Variants in PYGM observed in about 807,000 individuals in gnomAD.
PYGM encodes the protein glycogen phosphorylase, muscle associated, also known as glycogen phosphorylase, muscle form.
Under a neutral mutation model 99.3 loss-of-function variants are expected in PYGM, and 81 were observed. That is an observed-to-expected ratio of 0.82 (90% CI 0.68 to 0.98). PYGM has a LOEUF of 0.98. Ranked by LOEUF, PYGM falls within the 50% of genes least tolerant of loss-of-function variation. PYGM has a pLI of 0.00. For missense variants in PYGM, 1,030 were observed against 1,158.1 expected (o/e 0.89, Z 1.61); for synonymous variants, 436 against 451.5 (o/e 0.97, Z 0.44).
chr11:64,749,214 G>A (rs2058335812), intron 17 of PYGM, among the ~76,000 whole-genome samples: 2 of 151,690 alleles, frequency 1.3e-5, no homozygotes, highest in Admixed American at 6.6e-5. Flanking sequence ...GGGCGTGGTG[G>A]TGGGTATCTG....
rs769960481 is a variant in PYGM at position 64,751,626 on chromosome 11, CA to C, written c.1797del (p.Phe599LeufsTer6). ...NRIKREPNKF[F>X]VPRTVMIGGK... Reference sequence around the variant, plus strand: ...CCTCCAATCATCACAGTCCGAGGCACAAAAAACTTATTGGGCTCCCTCTTGA... The same window carrying C: ...CCTCCAATCATCACAGTCCGAGGCACAAAAACTTATTGGGCTCCCTCTTGA... On this transcript the variant is annotated frameshift_variant, in exon 15 of 20. Coordinates refer to ENST00000164139, the MANE Select transcript of PYGM (RefSeq NM_005609.4). LOFTEE classifies it high-confidence loss of function. The C allele has an allele frequency of 9.3e-6, 15 of 1,613,988 alleles. No individual in the cohort carries two copies. Among genetic ancestry groups the C allele is most frequent in the Non-Finnish European group, 1.1e-5 (13 of 1,179,900 alleles).
chr11:64,753,855 C>T (rs772025241), intron 10 of PYGM, 24 bp downstream of exon 10: 2 of 1,557,012 alleles, frequency 1.3e-6, no homozygotes, highest in East Asian at 4.8e-5. Context: ...ACCCCCACAC[C>T]ATCCCCCAAG....
At chr11:64,747,731 A>C (rs770828249) in intron 17 of PYGM, 9 of 350,166 alleles carry the variant, frequency 2.6e-5, no homozygotes, top group Non-Finnish European at 4.5e-5. Context: ...CAGCAAGAGC[A>C]GCTAACAGGT....
At position 64,753,899 on chromosome 11, in the gene PYGM, T is replaced by C. The variant is rs2058375350; in HGVS notation, c.1219A>G (p.Ile407Val). ...LPRHLQIIYE[I>V]NQRFLNRVAA... ...CTCACGTTGAGGAAGCGCTGGTTGA[T>C]CTCGTAGATGATCTGGAGGTGCCGC... The change falls in exon 10 of 20, where the codon ATC becomes GTC. Residue 407 changes from isoleucine (I) to valine (V), a missense_variant. Physicochemically the swap from Ile to Val is conservative, Grantham distance 29. Coordinates refer to ENST00000164139, the MANE Select transcript of PYGM (RefSeq NM_005609.4). 6.3e-7 allele frequency: 1 copy of C among 1,583,734 alleles called. No individual in the cohort carries two copies.
At position 64,759,742 on chromosome 11, in the gene PYGM, A is replaced by G; in HGVS notation, c.157T>C (p.Tyr53His). The G allele has an allele frequency of 6.2e-7, 1 of 1,614,224 alleles. No individual in the cohort carries two copies. Among genetic ancestry groups the G allele is most frequent in the Non-Finnish European group, 8.5e-7 (1 of 1,180,032 alleles). The change falls in exon 1 of 20, where the codon TAC (tyrosine) becomes CAC (histidine). Residue 53 changes from tyrosine (Y) to histidine (H), a missense_variant. By Grantham distance (83) the Tyr-to-His change is moderately conservative. Coordinates refer to ENST00000164139, the MANE Select transcript of PYGM (RefSeq NM_005609.4). ...DRNVATPRDY[Y>H]FALAHTVRDH... ...CGCACGGTATGGGCCAGAGCAAAGTAGTAGTCTCGTGGGGTGGCCACATTG... is the reference window on the plus strand; with the variant it reads ...CGCACGGTATGGGCCAGAGCAAAGTGGTAGTCTCGTGGGGTGGCCACATTG...
Position 64,746,985 on chromosome 11 carries a change from A to T in PYGM, c.2315T>A (p.Phe772Tyr). Residue 772 changes from phenylalanine (F) to tyrosine (Y), a missense_variant and splice_region_variant, in exon 19 of 20, where the codon TTT becomes TAT. By Grantham distance (22) the Phe-to-Tyr change is conservative. Transcript: ENST00000164139. ...IVNMLMHHDR[F>Y]KVFADYEDYI... is the part of the protein sequence containing the mutation. ...GTCTTCATAATCTGCGAAGACTTTA[A>T]ACCTGGAGGGGAAAGGATAGGCATG... 6.2e-7 allele frequency: 1 copy of T among 1,614,124 alleles called. No individual in the cohort carries two copies. Among genetic ancestry groups the T allele is most frequent in the Non-Finnish European group, 8.5e-7 (1 of 1,179,990 alleles).
At chr11:64,759,487 TGCC>T (rs2058418597) in intron 1 of PYGM, among the ~76,000 whole-genome samples, 166 bp downstream of exon 1, 1 of 152,120 alleles carries the variant, frequency 6.6e-6, no homozygotes, top group African/African-American at 2.4e-5. Context: ...CCCCCACTCC[TGCC>T]CCAGGTTTCT....
rs149366492 is a variant in PYGM, at chr11:64,747,989, C to A, written c.2178-631G>T. ...CCGGGAGGCGGAGGTTGCAGTGAACCGAGATCATGCCATTGCACTCCAGCC... is the reference window on the plus strand; with the variant it reads ...CCGGGAGGCGGAGGTTGCAGTGAACAGAGATCATGCCATTGCACTCCAGCC... On this transcript the variant is annotated intron_variant, in intron 17 of 19. Coordinates refer to ENST00000164139, the MANE Select transcript of PYGM (RefSeq NM_005609.4). 330 of 162,326 alleles carry A rather than the reference C, an allele frequency of 2.0e-3. 1 individual carries two copies. Among genetic ancestry groups the A allele is most frequent in the African/African-American group, 7.6e-3 (314 of 41,306 alleles). 10.1% of individuals were successfully genotyped at this position (162,326 alleles called of 1,614,324 possible).
Position 64,758,669 on chromosome 11 carries a change from T to A in PYGM, c.279A>T (p.Gly93=). The change falls in exon 2 of 20, where the codon GGA becomes GGT. Residue 93 remains glycine (G), a synonymous_variant. Coordinates refer to ENST00000164139, the MANE Select transcript of PYGM (RefSeq NM_005609.4). ...IYYLSLEFYM[G]RTLQNTMVNL... ...TCACCATGGTGTTCTGTAGCGTCCG[T>A]CCCATATAGAACTCTAAAGACAGGT... is the stretch of plus-strand genomic sequence containing the variant. 1 of 1,612,804 alleles carries A rather than the reference T, an allele frequency of 6.2e-7. No homozygotes were observed. Among genetic ancestry groups the A allele is most frequent in the Non-Finnish European group, 8.5e-7 (1 of 1,178,910 alleles).
At chr11:64,753,222 C>A (rs760077100) in intron 11 of PYGM, 35 bp from the exon 12 acceptor site, 35 of 1,551,624 alleles carry the variant, frequency 2.3e-5, no homozygotes, top group Admixed American at 2.2e-4. Flanking sequence ...TCACCACTCA[C>A]CCCTGTACAA....
chr11:64,755,598 C>A lies in PYGM; in HGVS notation c.661-40G>T. 1 of 1,505,632 alleles carries A rather than the reference C, an allele frequency of 6.6e-7. No individual in the cohort carries two copies. Among genetic ancestry groups the A allele is most frequent in the Non-Finnish European group, 9.2e-7 (1 of 1,084,202 alleles). The allele number at this position is 1,505,632 out of a possible 1,614,324, so 93.3% of individuals were successfully genotyped here. On this transcript the variant is annotated intron_variant, in intron 5 of 19. Coordinates refer to ENST00000164139, the MANE Select transcript of PYGM (RefSeq NM_005609.4). This position sits in a 1 kb window ranked among gnomAD's most constrained non-coding sequence, Gnocchi z 4.1. ...CCTGTCAGGAGCTGGCCAGCCCTGG[C>A]AATTGCCTCCCTCCCCTCAGGGCTG...
rs184694130 is a variant in PYGM, at chr11:64,747,208, G to A, written c.2312+16C>T. ...CTGCGGCCCCACCTGAGTGATTCCC[G>A]GGCCAACCAGCTCACCGGTCATGGT... On this transcript the variant is annotated intron_variant, in intron 18 of 19. Coordinates refer to ENST00000164139, the MANE Select transcript of PYGM (RefSeq NM_005609.4). The A allele has an allele frequency of 5.5e-5, 89 of 1,613,702 alleles. No homozygotes were observed. Among genetic ancestry groups the A allele is most frequent in the Middle Eastern group, 1.7e-4 (1 of 5,936 alleles).
At position 64,755,502 on chromosome 11, in the gene PYGM, GACA is replaced by G; in HGVS notation, c.714_716del (p.Val239del). 4 of 1,614,134 alleles carry G rather than the reference GACA, an allele frequency of 2.5e-6. No homozygotes were observed. The highest frequency in any genetic ancestry group is 3.4e-6 in the Non-Finnish European group (4 of 1,180,004). ...TGGCAGACCAGAGGCGCATGGTGTT[GACA>G]ACATTGTTGCGATAGCCAGGCACGG... On this transcript the variant is annotated inframe_deletion, in exon 6 of 20. Coordinates refer to ENST00000164139, the MANE Select transcript of PYGM (RefSeq NM_005609.4). This position sits in a 1 kb window ranked among gnomAD's most constrained non-coding sequence, Gnocchi z 4.1.
Position 64,753,917 on chromosome 11 carries a change from G to C in PYGM, c.1201C>G (p.Leu401Val). The C allele has an allele frequency of 6.3e-7, 1 of 1,591,144 alleles. No individual in the cohort carries two copies. The highest frequency in any genetic ancestry group is 8.6e-7 in the Non-Finnish European group (1 of 1,168,396). ...HLLETLLPRHLQIIYEINQRF... is the reference protein window; with the variant it reads ...HLLETLLPRHVQIIYEINQRF... Reference sequence around the variant, plus strand: ...TGGTTGATCTCGTAGATGATCTGGAGGTGCCGCGGCAGCAGCGTCTCCAAG... The same window carrying C: ...TGGTTGATCTCGTAGATGATCTGGACGTGCCGCGGCAGCAGCGTCTCCAAG... Residue 401 changes from leucine (L) to valine (V), a missense_variant, in exon 10 of 20, where the codon CTC becomes GTC. By Grantham distance (32) the Leu-to-Val change is conservative. Transcript: ENST00000164139.
Position 64,754,456 on chromosome 11 carries a change from G to A in PYGM, c.1000-111C>T, listed in dbSNP as rs1194150589. 18 of 1,091,494 alleles carry A rather than the reference G, an allele frequency of 1.6e-5. No individual in the cohort carries two copies. The highest frequency in any genetic ancestry group is 2.4e-5 in the Non-Finnish European group (18 of 736,904). 67.6% of individuals were successfully genotyped at this position (1,091,494 alleles called of 1,614,324 possible). ...GAGCCCAGCACGGTTCTGTGACTGG[G>A]CTGTGGGCAGAGGCAGGCCGGTGCT... On this transcript the variant is annotated intron_variant, in intron 8 of 19. Coordinates refer to ENST00000164139, the MANE Select transcript of PYGM (RefSeq NM_005609.4). This position sits in a 1 kb window ranked among gnomAD's most constrained non-coding sequence, Gnocchi z 5.5.
In PYGM at chr11:64,757,762, C is replaced by T. The variant is rs767910783; in HGVS notation, c.660+17G>A. ...TCCCCTTCTCTGGGCTCCCCTGACC[C>T]CCAGCTTCATCCTCACCTGTGTGTC... On this transcript the variant is annotated intron_variant, in intron 5 of 19. Transcript: ENST00000164139. 205 of 1,613,986 alleles carry T rather than the reference C, an allele frequency of 1.3e-4. No homozygotes were observed. The highest frequency in any genetic ancestry group is 1.7e-4 in the Non-Finnish European group (197 of 1,180,004).
Position 64,746,807 on chromosome 11 carries a change from T to A in PYGM, c.2381A>T (p.Asn794Ile). ...CACCATCCGCGTCCACTCTCTTGGG[T>A]TCTGCAGGTCAAAGGGAAGCTCTGG... is the stretch of plus-strand genomic sequence containing the variant. ...CQEKVSALYK[N>I]PREWTRMVIR... is the part of the protein sequence containing the mutation. The change falls in exon 20 of 20, where the codon AAC becomes ATC. Residue 794 changes from asparagine to isoleucine, a missense_variant and splice_region_variant. Asn to Ile is a moderately radical substitution (Grantham distance 149). Coordinates refer to ENST00000164139, the MANE Select transcript of PYGM (RefSeq NM_005609.4). The A allele has an allele frequency of 6.2e-7, 1 of 1,614,088 alleles. No homozygotes were observed. The highest frequency in any genetic ancestry group is 8.5e-7 in the Non-Finnish European group (1 of 1,180,012).
chr11:64,757,482 T>C (rs1441222411), intron 5 of PYGM, among the ~76,000 whole-genome samples: 2 of 152,186 alleles, frequency 1.3e-5, no homozygotes, highest in African/African-American at 4.8e-5. Flanking sequence ...CAGACTCAAG[T>C]CGCCAAGATG....
rs1040940907 is a variant in PYGM at position 64,753,260 on chromosome 11, C to G, written c.1404-73G>C. On this transcript the variant is annotated intron_variant, in intron 11 of 19. Coordinates refer to ENST00000164139, the MANE Select transcript of PYGM (RefSeq NM_005609.4). ...AAGGCCTCTGCCCTGGGGCCCCTAC[C>G]CTGGTGTCTTGCTGAAAGGGGCCTG... The G allele has an allele frequency of 2.1e-6, 3 of 1,422,298 alleles. 1 individual carries two copies. The highest frequency in any genetic ancestry group is 3.0e-6 in the Non-Finnish European group (3 of 1,006,654). The allele number at this position is 1,422,298 out of a possible 1,614,324, so 88.1% of individuals were successfully genotyped here.
Sources: allele counts gnomAD v4.1 joint callset (sites outside exome capture counted in the v4.1 genomes callset), GRCh38; gene constraint gnomAD v4.1.1; non-coding constraint Gnocchi (gnomAD v3.1); transcripts MANE v1.5; gene names NCBI Gene and HGNC (gene_info 2026-07-23, HGNC 2026-07-21).